SVIL: variants seen among roughly 807,000 people sequenced by gnomAD.
SVIL encodes supervillin, also known as archvillin.
In SVIL, 101 loss-of-function variants were observed where a neutral mutation model predicts 240.4. The ratio of observed to expected loss-of-function variants is 0.42; its 90% CI spans 0.36 to 0.50. SVIL has a LOEUF of 0.50. Ranked by LOEUF, SVIL falls within the 20% of genes least tolerant of loss-of-function variation. The pLI, the probability that SVIL is intolerant of heterozygous loss-of-function variation, is 0.01. For missense variants in SVIL, 2,512 were observed against 2,818.7 expected (o/e 0.89, Z 2.46); for synonymous variants, 999 against 1,100.0 (o/e 0.91, Z 1.82).
chr10:29,506,395 A>G (rs1949275544), intron 17 of SVIL, among the ~76,000 whole-genome samples: 1 of 152,030 alleles, frequency 6.6e-6, no homozygotes, highest in South Asian at 2.1e-4. Flanking sequence ...GAGTGAGGGA[A>G]AGGCCGCCCC....
At chr10:29,719,700 T>C (rs892613149) in intron 1 of SVIL, among the ~76,000 whole-genome samples, 32 of 152,178 alleles carry the variant, frequency 2.1e-4, no homozygotes, top group African/African-American at 7.7e-4. Flanking sequence ...TGGATAGGAT[T>C]AATAGCAGGT....
chr10:29,529,324 C>T (rs1951184889), intron 12 of SVIL, among the ~76,000 whole-genome samples: 1 of 151,446 alleles, frequency 6.6e-6, no homozygotes, highest in Non-Finnish European at 1.5e-5. Context: ...GAAAATAGCA[C>T]AGGAGGAAAG....
intron 16 of SVIL, among the ~76,000 whole-genome samples, chr10:29,514,722 T>C (rs776946127): frequency 1.3e-5 from 2 of 152,112 alleles, no homozygotes; most frequent in Non-Finnish European, 2.9e-5. Context: ...TGGTCCCAAT[T>C]TGGCTACTCC....
intron 1 of SVIL, among the ~76,000 whole-genome samples, chr10:29,601,740 T>C (rs367885017): frequency 2.6e-5 from 4 of 152,310 alleles, no homozygotes; most frequent in Admixed American, 1.3e-4. Flanking sequence ...CTAATGACAA[T>C]GACTTTAAGG....
At chr10:29,560,042 G>T (rs1387082547) in intron 3 of SVIL, among the ~76,000 whole-genome samples, 116 of 152,286 alleles carry the variant, frequency 7.6e-4, no homozygotes, top group Non-Finnish European at 2.4e-4. Context: ...ATCTTCCAAA[G>T]AAATATAAGT....
intron 1 of SVIL, among the ~76,000 whole-genome samples, chr10:29,626,661 T>G (rs566387016): frequency 6.6e-6 from 1 of 151,982 alleles, no homozygotes; most frequent in Non-Finnish European, 1.5e-5. Flanking sequence ...GAAAAGAAAA[T>G]AGACATACTT....
chr10:29,531,948 T>C (rs1951398502), intron 9 of SVIL, 54 bp downstream of exon 9: 3 of 1,595,650 alleles, frequency 1.9e-6, no homozygotes, highest in Non-Finnish European at 2.6e-6. Context: ...GTGGTAAAAC[T>C]CCTGTGTCAT....
At chr10:29,621,038 A>G (rs796496315) in intron 1 of SVIL, among the ~76,000 whole-genome samples, 28 of 149,250 alleles carry the variant, frequency 1.9e-4, no homozygotes, top group African/African-American at 6.9e-4. Context: ...TCTTGGCCTC[A>G]AGCAATTCTC....
chr10:29,583,584 A>C (rs187276265), intron 1 of SVIL, among the ~76,000 whole-genome samples: 154 of 152,236 alleles, frequency 1.0e-3, no homozygotes, highest in Non-Finnish European at 1.8e-3. Context: ...ACAGGTGTGA[A>C]CCACTGCACC....
chr10:29,536,896 A>C (rs1474381284), intron 6 of SVIL, among the ~76,000 whole-genome samples: 1 of 137,600 alleles, frequency 7.3e-6, no homozygotes, highest in Admixed American at 8.0e-5. Context: ...GGGCGATAAC[A>C]GCACGACTCT....
chr10:29,689,694 G>A (rs1229877914), intron 1 of SVIL, among the ~76,000 whole-genome samples: 1 of 152,184 alleles, frequency 6.6e-6, no homozygotes, highest in African/African-American at 2.4e-5. Flanking sequence ...GGCTTGTTCA[G>A]GGAAGCACAC....
intron 2 of SVIL, among the ~76,000 whole-genome samples, chr10:29,672,884 C>T (rs534270637): frequency 6.6e-6 from 1 of 151,866 alleles, no homozygotes; most frequent in African/African-American, 2.4e-5. Context: ...TGGCACACAG[C>T]AGGATCTTAG....
chr10:29,532,421 G>A, intron 8 of SVIL, 108 bp downstream of exon 8: 2 of 1,467,444 alleles, frequency 1.4e-6, no homozygotes, highest in South Asian at 1.4e-5. Context: ...GCACTTGTGA[G>A]CTAAGCTAAT....
intron 1 of SVIL, among the ~76,000 whole-genome samples, chr10:29,572,087 G>A (rs1179064185): frequency 6.6e-6 from 1 of 152,136 alleles, no homozygotes; most frequent in Admixed American, 6.5e-5. Flanking sequence ...ATGGGTGTGT[G>A]GAGTTAGTAT....
intron 3 of SVIL, among the ~76,000 whole-genome samples, chr10:29,651,186 T>G (rs1263005474): frequency 1.3e-5 from 2 of 152,078 alleles, no homozygotes; most frequent in Non-Finnish European, 2.9e-5. Context: ...AGATGCAACA[T>G]TCATACCCAG....
Position 29,592,383 on chromosome 10 carries a change from C to T in SVIL, c.-200-23071G>A, listed in dbSNP as rs184698590. ...TCCGAATAAGAAAATAAAGCCTCTT[C>T]GATATTTCACAAGGCAAGGGGCAAG... On this transcript the variant is annotated intron_variant, in intron 1 of 37. Transcript: ENST00000355867. Among the ~76,000 whole-genome samples the T allele has an allele frequency of 1.1e-4, 16 of 152,324 alleles. No homozygotes were observed. The East Asian group carries it at 1.5e-3, about 15-fold the overall frequency.
At position 29,694,185 on chromosome 10, in the gene SVIL, A is replaced by C. The variant is rs367733579; in HGVS notation, c.-399-7534T>G. 2.4e-4 allele frequency among the ~76,000 whole-genome samples: 35 copies of C among 146,720 alleles called. No individual in the cohort carries two copies. In the East Asian group the frequency reaches 6.8e-3, roughly 29 times the overall value. On this transcript the variant is annotated intron_variant, in intron 1 of 35. Coordinates refer to the SVIL transcript ENST00000375400. ...CGAGGCCGGAGGATTGCTTGAGGTT[A>C]GGAGTTTGAAGCAGCCTGGGCAACA...
intron 1 of SVIL, among the ~76,000 whole-genome samples, chr10:29,582,339 G>C (rs965213846): frequency 2.6e-5 from 4 of 152,278 alleles, no homozygotes; most frequent in East Asian, 1.9e-4. Flanking sequence ...GCACATGGCC[G>C]GCCCACCACT....
chr10:29,639,322 C>G (rs1348821045), upstream of SVIL, among the ~76,000 whole-genome samples: 1 of 152,108 alleles, frequency 6.6e-6, no homozygotes, highest in Non-Finnish European at 1.5e-5. Context: ...CAGGTGTGCG[C>G]TAGCACACTC....
Sources: allele counts gnomAD v4.1 joint callset (sites outside exome capture counted in the v4.1 genomes callset), GRCh38; gene constraint gnomAD v4.1.1; transcripts MANE v1.5; gene names NCBI Gene and HGNC (gene_info 2026-07-23, HGNC 2026-07-21).